Variants in TCIRG1 observed in about 807,000 individuals in gnomAD.
TCIRG1 encodes the protein V-type proton ATPase 116 kDa subunit a 3.
Under a neutral mutation model 95.5 loss-of-function variants are expected in TCIRG1, and 86 were observed. The ratio of observed to expected loss-of-function variants is 0.90; its 90% CI spans 0.76 to 1.08. The LOEUF (loss-of-function observed/expected upper bound fraction) is 1.08, where lower values mean the gene tolerates loss of function less well. Among genes scored for constraint, TCIRG1 ranks in the 50% least tolerant of loss-of-function variants. The probability of loss-of-function intolerance (pLI) is 0.00; values close to 1 mark genes in which losing one functional copy is unlikely to be tolerated. For missense variants in TCIRG1, 1,069 were observed against 1,140.2 expected (o/e 0.94, Z 0.90); for synonymous variants, 499 against 501.3 (o/e 1.00, Z 0.06).
downstream of TCIRG1, among the ~76,000 whole-genome samples, chr11:68,051,381 G>T (rs1855792573): frequency 6.6e-6 from 1 of 152,168 alleles, no homozygotes; most frequent in African/African-American, 2.4e-5. Context: ...TCAGAACAGG[G>T]GCTGAGCCTG....
At chr11:68,044,468 C>A (rs1473306640) in intron 9 of TCIRG1, 124 bp downstream of exon 9, 1 of 783,848 alleles carries the variant, frequency 1.3e-6, no homozygotes, top group Non-Finnish European at 2.1e-6. Flanking sequence ...CTTCTCCTCC[C>A]AGCCTCCTCC....
At chr11:68,050,976 A>G, downstream of TCIRG1, 1 of 823,950 alleles carries the variant, frequency 1.2e-6, no homozygotes, top group Non-Finnish European at 2.0e-6. Flanking sequence ...CTGGGACCTC[A>G]AAAGTCAAGG....
chr11:68,043,860 C>A lies in TCIRG1; in HGVS notation c.760C>A (p.Leu254Ile). 1 of 1,569,644 alleles carries A rather than the reference C, an allele frequency of 6.4e-7. No individual in the cohort carries two copies. The part of the protein sequence containing the change: ...FPFLQQEEAR[L>I]GALQQLQQQS... ...GTTTCTGCAGCAGGAGGAGGCCCGC[C>A]TCGGGGCCCTGCAGCAGCTGCAACA... Residue 254 changes from leucine (L) to isoleucine (I), a missense_variant, in exon 8 of 20, where the codon CTC (leucine) becomes ATC (isoleucine). Transcript: ENST00000265686.
At chr11:68,051,810 G>A (rs971595224), downstream of TCIRG1, among the ~76,000 whole-genome samples, 2 of 152,202 alleles carry the variant, frequency 1.3e-5, no homozygotes, top group African/African-American at 4.8e-5. Context: ...AGAACCCAAC[G>A]CCTTACTCCC....
rs762979070 is a variant in TCIRG1, at chr11:68,041,369, G to T, written c.98G>T (p.Gly33Val). The change falls in exon 2 of 20, where the codon GGC becomes GTC. Residue 33 changes from glycine to valine, a missense_variant. Gly to Val is a moderately radical substitution (Grantham distance 109, BLOSUM62 -3). Coordinates refer to ENST00000265686, the MANE Select transcript of TCIRG1 (RefSeq NM_006019.4). ...YTCVSRLGEL[G>V]LVEFRDLNAS... ...TGCGTGAGTCGGCTGGGCGAGCTGG[G>T]CCTCGTGGAGTTCAGAGACGTGAGT... 5.6e-6 allele frequency: 9 copies of T among 1,612,568 alleles called. No homozygotes were observed. In the African/African-American group the frequency reaches 9.3e-5, roughly 17 times the overall value.
chr11:68,041,801 C>T lies in TCIRG1; in HGVS notation c.166C>T (p.Arg56Trp), dbSNP rs36027301. 84,785 of 1,609,634 alleles carry T rather than the reference C, an allele frequency of 0.053. 2,573 individuals are homozygous for T. The highest frequency in any genetic ancestry group is 0.065 in the Middle Eastern group (393 of 6,044). Residue 56 changes from arginine to tryptophan, a missense_variant, in exon 3 of 20, where the codon CGG becomes TGG. Physicochemically the swap from Arg to Trp is moderately radical, Grantham distance 101 (BLOSUM62 -3). Transcript: ENST00000265686. Reference protein sequence around the residue: ...AFQRRFVVDVRRCEELEKTFT... With the variant: ...AFQRRFVVDVWRCEELEKTFT... ...CCAGAGACGCTTTGTGGTTGATGTT[C>T]GGCGCTGTGAGGAGCTGGAGAAGAC...
In TCIRG1 at chr11:68,044,864, A is replaced by G. The variant is rs752689593; in HGVS notation, c.1021-94A>G. The G allele has an allele frequency of 2.7e-5, 40 of 1,507,786 alleles. No individual in the cohort carries two copies. In the South Asian group the frequency reaches 3.8e-4, roughly 14 times the overall value. 93.4% of individuals were successfully genotyped at this position (1,507,786 alleles called of 1,614,324 possible). A position where few individuals can be genotyped will look rare whatever the true frequency, so the allele number is the denominator to read the frequency against. ...AAGGGGCTGCCCAGTGAGCCCCCAC[A>G]GGGCTCTACATCTCCAGCTGGGCCT... On this transcript the variant is annotated intron_variant, in intron 9 of 19. Coordinates refer to ENST00000265686, the MANE Select transcript of TCIRG1 (RefSeq NM_006019.4).
chr11:68,042,751 A>C lies in TCIRG1; in HGVS notation c.305A>C (p.Glu102Ala). ...RDLLRIQEET[E>A]RLAQELRDVR... ...CTGCTGCGCATCCAGGAGGAGACGG[A>C]GCGCCTGGCCCAGGAGCTGCGGGAT... is the stretch of plus-strand genomic sequence containing the variant. Residue 102 changes from glutamate to alanine, a missense_variant, in exon 4 of 20, where the codon GAG becomes GCG. Coordinates refer to ENST00000265686, the MANE Select transcript of TCIRG1 (RefSeq NM_006019.4). 6.5e-7 allele frequency: 1 copy of C among 1,547,406 alleles called. No homozygotes were observed. Among genetic ancestry groups the C allele is most frequent in the Non-Finnish European group, 8.7e-7 (1 of 1,146,372 alleles).
intron 13 of TCIRG1, chr11:68,048,387 G>A (rs868475145): frequency 6.2e-5 from 21 of 339,602 alleles, no homozygotes; most frequent in African/African-American, 2.6e-4. Context: ...TCCATCTCCC[G>A]GGTTCAAGCG....
rs756326556 is a variant in TCIRG1, at chr11:68,050,438, T to G, written c.2237-49T>G. On this transcript the variant is annotated intron_variant, in intron 18 of 19. Coordinates refer to ENST00000265686, the MANE Select transcript of TCIRG1 (RefSeq NM_006019.4). Reference sequence around the variant, plus strand: ...AGGCTGCGGCAGGTAGGTAGGGGGCTGGCAGGCACCCACTTGCCGTTGGCC... The same window carrying G: ...AGGCTGCGGCAGGTAGGTAGGGGGCGGGCAGGCACCCACTTGCCGTTGGCC... The G allele has an allele frequency of 2.5e-6, 4 of 1,611,174 alleles. No individual in the cohort carries two copies. The African/African-American group carries it at 5.3e-5, about 22-fold the overall frequency.
chr11:68,049,570 G>T (rs960934469), intron 15 of TCIRG1, 93 bp from the exon 16 acceptor site: 2 of 1,518,746 alleles, frequency 1.3e-6, no homozygotes, highest in African/African-American at 1.4e-5. Context: ...AGGAGCGACC[G>T]CAGGCTCTCT....
rs376236265 is a variant in TCIRG1, at chr11:68,043,799, G to A, written c.714-15G>A. ...GTGTCCTTCTGGCCCCTCACGCAGC[G>A]CATCCTCCCTCCAGCTTCCACTGCC... is the stretch of plus-strand genomic sequence containing the variant. On this transcript the variant is annotated splice_polypyrimidine_tract_variant and intron_variant, in intron 7 of 19. Transcript: ENST00000265686. The A allele has an allele frequency of 3.3e-5, 51 of 1,556,436 alleles. No individual in the cohort carries two copies. The highest frequency in any genetic ancestry group is 1.2e-4 in the Admixed American group (6 of 51,544).
At chr11:68,048,574 G>C (rs1447242345) in intron 13 of TCIRG1, among the ~76,000 whole-genome samples, 1 of 152,206 alleles carries the variant, frequency 6.6e-6, no homozygotes, top group African/African-American at 2.4e-5. Context: ...GATTACAGGC[G>C]TGAGTCACCG....
At chr11:68,053,574 C>G (rs1855882031), downstream of TCIRG1, 1 of 182,816 alleles carries the variant, frequency 5.5e-6, no homozygotes, top group Non-Finnish European at 1.2e-5. Context: ...ACATCGCCAT[C>G]TACAAAAGCC....
intron 15 of TCIRG1, 128 bp downstream of exon 15, chr11:68,049,422 G>A: frequency 4.6e-6 from 5 of 1,079,836 alleles, no homozygotes; most frequent in Non-Finnish European, 6.6e-6. Flanking sequence ...TGCAGACAGG[G>A]CCGTCAGAGG....
chr11:68,040,147 A>T (rs536090345), intron 1 of TCIRG1, among the ~76,000 whole-genome samples: 136 of 152,144 alleles, frequency 8.9e-4, no homozygotes, highest in Non-Finnish European at 1.7e-3. Context: ...GGCTCTGGTT[A>T]TTTTTGTCAC....
At chr11:68,044,450 A>G in intron 9 of TCIRG1, 106 bp downstream of exon 9, 1 of 931,452 alleles carries the variant, frequency 1.1e-6, no homozygotes, top group Non-Finnish European at 1.7e-6. Context: ...GGCTTTGCCT[A>G]GGGGCTCCTT....
At chr11:68,045,418 T>C (rs1855430683) in intron 10 of TCIRG1, among the ~76,000 whole-genome samples, 1 of 152,382 alleles carries the variant, frequency 6.6e-6, no homozygotes, top group South Asian at 2.1e-4. Flanking sequence ...TCTTAGCTTC[T>C]CTGAGCCTCA....
At chr11:68,040,257 C>T (rs1450047552) in intron 1 of TCIRG1, among the ~76,000 whole-genome samples, 1 of 152,202 alleles carries the variant, frequency 6.6e-6, no homozygotes, top group African/African-American at 2.4e-5. Flanking sequence ...GGTCACACAC[C>T]CAATCTCAGC....
Sources: allele counts gnomAD v4.1 joint callset (sites outside exome capture counted in the v4.1 genomes callset), GRCh38; gene constraint gnomAD v4.1.1; transcripts MANE v1.5; gene names NCBI Gene and HGNC (gene_info 2026-07-23, HGNC 2026-07-21).